The following NCOA2 variants were observed in gnomAD, a reference collection of about 807,000 sequenced individuals.
The protein encoded by NCOA2 is nuclear receptor coactivator 2.
NCOA2 carries 21 observed loss-of-function variants against 145.1 expected under a neutral mutation model. The ratio of observed to expected loss-of-function variants is 0.14; its 90% CI spans 0.10 to 0.21. The LOEUF is 0.21. Among genes scored for constraint, NCOA2 ranks in the 10% least tolerant of loss-of-function variants. The pLI is 1.00. For synonymous variants in NCOA2, 619 were observed against 637.5 expected (o/e 0.97, Z 0.44); for missense variants, 1,472 against 1,837.6 (o/e 0.80, Z 3.64).
chr8:70,375,320 C>A (rs1254581291), intron 1 of NCOA2, among the ~76,000 whole-genome samples: 2 of 152,064 alleles, frequency 1.3e-5, no homozygotes, highest in Admixed American at 1.3e-4. Flanking sequence ...ACTCCGTATG[C>A]CAAAAATGCC....
intron 2 of NCOA2, among the ~76,000 whole-genome samples, chr8:70,263,223 G>A (rs1381888872): frequency 6.8e-6 from 1 of 147,300 alleles, no homozygotes; most frequent in East Asian, 2.0e-4. Flanking sequence ...ATGGGTGGGT[G>A]GCACATAGAG....
At position 70,127,533 on chromosome 8, in the gene NCOA2, G is replaced by A. The variant is rs536219384; in HGVS notation, c.3682-486C>T. ...AGCGAGGAGAGTGCCTGATAAGAAC[G>A]CACAGAGACCGAGTCAGAGGTGGAG... is the stretch of plus-strand genomic sequence containing the variant. On this transcript the variant is annotated intron_variant, in intron 18 of 22. Transcript: ENST00000452400. 3.3e-5 allele frequency among the ~76,000 whole-genome samples: 5 copies of A among 152,210 alleles called. No individual in the cohort carries two copies. The East Asian group carries it at 5.8e-4, about 18-fold the overall frequency.
chr8:70,252,599 T>C (rs1182780349), intron 2 of NCOA2, among the ~76,000 whole-genome samples: 3 of 152,214 alleles, frequency 2.0e-5, no homozygotes, highest in South Asian at 4.1e-4. Flanking sequence ...TTTTCCCAAA[T>C]AGAGTCAAAA....
intron 2 of NCOA2, among the ~76,000 whole-genome samples, chr8:70,296,294 G>C (rs1827089292): frequency 6.6e-6 from 1 of 152,154 alleles, no homozygotes; most frequent in Non-Finnish European, 1.5e-5. Context: ...TTGGCTCATT[G>C]CATTTTATAA....
upstream of NCOA2, among the ~76,000 whole-genome samples, chr8:70,407,595 T>C (rs1814802980): frequency 6.6e-6 from 1 of 150,966 alleles, no homozygotes; most frequent in Non-Finnish European, 1.5e-5. Context: ...GAGACCATCC[T>C]GGCCAACATG....
chr8:70,238,161 CGCGT>C (rs1031473818), intron 2 of NCOA2, among the ~76,000 whole-genome samples: 2 of 151,876 alleles, frequency 1.3e-5, no homozygotes, highest in African/African-American at 2.4e-5. Context: ...CGCGCGCGCG[CGCGT>C]GTGTGTGTTT....
chr8:70,364,691 C>G (rs565476750), intron 1 of NCOA2, among the ~76,000 whole-genome samples: 12 of 150,796 alleles, frequency 8.0e-5, no homozygotes, highest in African/African-American at 2.7e-4. Flanking sequence ...AAACCAAATG[C>G]ATCTGACACA....
intron 11 of NCOA2, among the ~76,000 whole-genome samples, chr8:70,150,167 T>G (rs1811580695): frequency 6.6e-6 from 1 of 152,206 alleles, no homozygotes; most frequent in Non-Finnish European, 1.5e-5. Context: ...TTAGAGCAAT[T>G]ACAAGACCAT....
At chr8:70,383,820 T>C (rs1028711592) in intron 1 of NCOA2, among the ~76,000 whole-genome samples, 4 of 152,216 alleles carry the variant, frequency 2.6e-5, no homozygotes, top group African/African-American at 9.6e-5. Context: ...ATTTTCTTTA[T>C]TGCTATTTGA....
At chr8:70,245,838 C>T (rs1822570194) in intron 2 of NCOA2, among the ~76,000 whole-genome samples, 1 of 152,062 alleles carries the variant, frequency 6.6e-6, no homozygotes, top group Non-Finnish European at 1.5e-5. Flanking sequence ...GAGCTTTGCC[C>T]TCAATGATAT....
At chr8:70,346,779 G>C (rs2136586759) in intron 1 of NCOA2, among the ~76,000 whole-genome samples, 1 of 152,306 alleles carries the variant, frequency 6.6e-6, no homozygotes, top group South Asian at 2.1e-4. Flanking sequence ...AGGTTGCAGA[G>C]AAACCTAACT....
At chr8:70,266,360 T>C (rs1409354933) in intron 2 of NCOA2, among the ~76,000 whole-genome samples, 4 of 152,182 alleles carry the variant, frequency 2.6e-5, no homozygotes, top group South Asian at 2.1e-4. Context: ...AAAATGTTAC[T>C]TTGGTAATGT....
At chr8:70,119,742 T>C (rs1807573633) in intron 22 of NCOA2, among the ~76,000 whole-genome samples, 1 of 152,246 alleles carries the variant, frequency 6.6e-6, no homozygotes, top group Non-Finnish European at 1.5e-5. Context: ...CCATTCTGAC[T>C]GGGGTAAGAT....
At chr8:70,386,162 T>A (rs959171257) in intron 1 of NCOA2, among the ~76,000 whole-genome samples, 3 of 152,210 alleles carry the variant, frequency 2.0e-5, no homozygotes, top group Admixed American at 2.0e-4. Flanking sequence ...CCACTATATC[T>A]ATCAAAAGTC....
chr8:70,347,537 TCC>T (rs1808796597), intron 1 of NCOA2, among the ~76,000 whole-genome samples: 1 of 151,372 alleles, frequency 6.6e-6, no homozygotes, highest in Non-Finnish European at 1.5e-5. Context: ...ATGTCTGCGG[TCC>T]CAGCTACTTG....
chr8:70,215,537 C>G (rs1453624924), intron 3 of NCOA2, among the ~76,000 whole-genome samples: 1 of 152,150 alleles, frequency 6.6e-6, no homozygotes, highest in Non-Finnish European at 1.5e-5. Flanking sequence ...TGCTTGGCAA[C>G]TAGAAGGGGA....
the NCOA2 span, among the ~76,000 whole-genome samples, chr8:70,443,795 G>T: frequency 6.6e-6 from 1 of 152,086 alleles, no homozygotes; most frequent in Non-Finnish European, 1.5e-5. Flanking sequence ...GGCTGATTTT[G>T]AACTCTCGGC....
At chr8:70,130,809 A>C (rs955254839) in intron 16 of NCOA2, among the ~76,000 whole-genome samples, 6 of 152,198 alleles carry the variant, frequency 3.9e-5, no homozygotes, top group African/African-American at 7.2e-5. Context: ...ATTCATGCTA[A>C]GTAAGGAGGA....
At position 70,215,241 on chromosome 8, in the gene NCOA2, C is replaced by T. The variant is rs142098396; in HGVS notation, c.87-1166G>A. 4.9e-3 allele frequency among the ~76,000 whole-genome samples: 750 copies of T among 152,202 alleles called. 6 individuals carry two copies. Among genetic ancestry groups the T allele is most frequent in the African/African-American group, 0.017 (714 of 41,514 alleles). ...CCCCCTCCACCACCCTCCACCCATG[C>T]CCTCTCACCCTCTCACAAGGTAAGA... On this transcript the variant is annotated intron_variant, in intron 3 of 22. Coordinates refer to ENST00000452400, the MANE Select transcript of NCOA2 (RefSeq NM_006540.4).
Sources: gnomAD v4.1 joint callset for allele counts (sites outside exome capture counted in the v4.1 genomes callset) on GRCh38, gnomAD v4.1.1 for gene constraint, MANE v1.5 for transcripts, NCBI Gene and HGNC (gene_info 2026-07-23, HGNC 2026-07-21) for gene names.